Variants in MSRB3 observed in about 807,000 individuals in gnomAD.
MSRB3 encodes methionine-R-sulfoxide reductase B3.
Under a neutral mutation model 21.0 loss-of-function variants are expected in MSRB3, and 13 were observed. The observed-to-expected ratio is 0.62, with a 90% confidence interval of 0.40 to 0.98. MSRB3 has a LOEUF of 0.98. MSRB3 is among the 50% of genes least tolerant of loss of function. MSRB3 has a pLI of 0.00. For missense variants in MSRB3, 199 were observed against 230.3 expected (o/e 0.86, Z 0.88); for synonymous variants, 87 against 88.6 (o/e 0.98, Z 0.10).
Position 65,278,930 on chromosome 12 carries a change from T to C in MSRB3, c.-52+65T>C, listed in dbSNP as rs1046228274. On this transcript the variant is annotated intron_variant, in intron 1 of 6. Coordinates refer to ENST00000308259, the MANE Select transcript of MSRB3 (RefSeq NM_001031679.3). ...CCCTCCCACCCCGACCCTGCCACGT[T>C]AGGGTGTGACCCCGAGCCGGGATTC... 42 of 1,535,618 alleles carry C rather than the reference T, an allele frequency of 2.7e-5. No homozygotes were observed. The African/African-American group carries it at 5.4e-4, about 20-fold the overall frequency.
intron 5 of MSRB3, among the ~76,000 whole-genome samples, chr12:65,403,340 G>T (rs748033219): frequency 6.6e-6 from 1 of 152,228 alleles, no homozygotes; most frequent in Non-Finnish European, 1.5e-5. Flanking sequence ...CTTGGCTACA[G>T]TGGCTTTGCC....
At chr12:65,400,591 T>C (rs1010986450) in intron 5 of MSRB3, among the ~76,000 whole-genome samples, 1 of 152,164 alleles carries the variant, frequency 6.6e-6, no homozygotes, top group Non-Finnish European at 1.5e-5. Context: ...TTTGAAGGGT[T>C]TTTTGTGTCT....
intron 4 of MSRB3, among the ~76,000 whole-genome samples, chr12:65,350,083 T>C (rs1565847811): frequency 6.6e-6 from 1 of 152,024 alleles, no homozygotes; most frequent in African/African-American, 2.4e-5. Context: ...AATTGATTTT[T>C]GTATAAGGTG....
intron 5 of MSRB3, among the ~76,000 whole-genome samples, chr12:65,411,834 A>G (rs1049822682): frequency 1.3e-5 from 2 of 150,032 alleles, no homozygotes; most frequent in African/African-American, 4.9e-5. Flanking sequence ...AGATTTATTT[A>G]ATATTTAGAT....
At chr12:65,345,463 A>C (rs915092341) in intron 4 of MSRB3, among the ~76,000 whole-genome samples, 1 of 152,124 alleles carries the variant, frequency 6.6e-6, no homozygotes, top group African/African-American at 2.4e-5. Context: ...GGAGTAATAC[A>C]TATGTAGCAC....
intron 3 of MSRB3, 124 bp from the exon 4 acceptor site, chr12:65,328,402 G>T (rs1421840788): frequency 5.8e-6 from 4 of 695,080 alleles, no homozygotes; most frequent in Admixed American, 2.3e-5. Flanking sequence ...CATATGTTTG[G>T]TTTGTTTTCA....
intron 1 of MSRB3, 79 bp from the exon 2 acceptor site, chr12:65,308,450 C>T (rs920246597): frequency 1.3e-6 from 2 of 1,536,978 alleles, no homozygotes; most frequent in East Asian, 2.4e-5. Context: ...AAAACTGTAA[C>T]CATCAGTTGT....
intron 5 of MSRB3, chr12:65,419,278 A>T: frequency 1.3e-6 from 1 of 741,256 alleles, no homozygotes; most frequent in Non-Finnish European, 2.5e-6. Flanking sequence ...GTCTGCCATG[A>T]TCTTGGCAAG....
intron 6 of MSRB3, among the ~76,000 whole-genome samples, chr12:65,454,914 A>G (rs61610897): frequency 0.024 from 3,629 of 152,320 alleles, 150 homozygotes; most frequent in African/African-American, 0.082. Flanking sequence ...TGCATATTCT[A>G]TGGAAGGCAA....
intron 1 of MSRB3, chr12:65,279,178 C>T: frequency 1.2e-6 from 1 of 831,376 alleles, no homozygotes; most frequent in South Asian, 2.6e-5. Context: ...CCTCTCGCCC[C>T]GCGCGGGCCC....
chr12:65,399,418 T>C (rs566139290), intron 5 of MSRB3, among the ~76,000 whole-genome samples: 1 of 152,368 alleles, frequency 6.6e-6, no homozygotes, highest in African/African-American at 2.4e-5. Flanking sequence ...ATTTTTGTTG[T>C]ATAGGAATGC....
intron 4 of MSRB3, among the ~76,000 whole-genome samples, chr12:65,333,885 G>A (rs1040720417): frequency 2.0e-5 from 3 of 152,182 alleles, no homozygotes; most frequent in African/African-American, 4.8e-5. Context: ...CAAATACGTA[G>A]TTGTTGATCA....
intron 4 of MSRB3, among the ~76,000 whole-genome samples, chr12:65,348,537 G>A (rs866288722): frequency 6.6e-6 from 1 of 152,038 alleles, no homozygotes; most frequent in South Asian, 2.1e-4. Flanking sequence ...CAAAAAACCA[G>A]CTCCTGGATT....
intron 2 of MSRB3, among the ~76,000 whole-genome samples, chr12:65,325,956 T>A (rs1444968816): frequency 6.6e-6 from 1 of 152,244 alleles, no homozygotes; most frequent in Non-Finnish European, 1.5e-5. Flanking sequence ...AAATAAAAGC[T>A]GCCATTGTTA....
In MSRB3 at chr12:65,418,457, C is replaced by T. The variant is rs150232739; in HGVS notation, c.293-35271C>T. On this transcript the variant is annotated intron_variant, in intron 5 of 6. Coordinates refer to ENST00000308259, the MANE Select transcript of MSRB3 (RefSeq NM_001031679.3). ...TTTTCTTCTATCCTATAGGTTGTCT[C>T]TTTGTTGTTTCCTTTGCTGTGCAGA... Among the ~76,000 whole-genome samples the T allele has an allele frequency of 1.3e-3, 196 of 152,202 alleles. 1 individual carries two copies. Among genetic ancestry groups the T allele is most frequent in the Middle Eastern group, 0.01 (3 of 294 alleles).
chr12:65,352,500 A>C (rs1477544392), intron 4 of MSRB3, among the ~76,000 whole-genome samples: 1 of 151,502 alleles, frequency 6.6e-6, no homozygotes, highest in Non-Finnish European at 1.5e-5. Flanking sequence ...AGGGTATTCA[A>C]TTAGGAAAAG....
At chr12:65,289,311 A>G (rs1872555251) in intron 1 of MSRB3, among the ~76,000 whole-genome samples, 6 of 152,162 alleles carry the variant, frequency 3.9e-5, no homozygotes, top group Admixed American at 3.9e-4. Flanking sequence ...CCTGGCTAAC[A>G]AGGCAAAACC....
intron 6 of MSRB3, chr12:65,454,109 C>T (rs1412672571): frequency 1.6e-6 from 1 of 606,538 alleles, no homozygotes; most frequent in Non-Finnish European, 2.9e-6. Context: ...CCTAGTGAGA[C>T]CTCGTCTCTA....
chr12:65,457,179 CTCT>C (rs760891113), intron 6 of MSRB3, among the ~76,000 whole-genome samples: 148 of 152,016 alleles, frequency 9.7e-4, no homozygotes, highest in Admixed American at 1.6e-3. Flanking sequence ...TTCATGTAGT[CTCT>C]TCTTCTGCTC....
Sources: allele counts gnomAD v4.1 joint callset (sites outside exome capture counted in the v4.1 genomes callset), GRCh38; gene constraint gnomAD v4.1.1; transcripts MANE v1.5; gene names NCBI Gene and HGNC (gene_info 2026-07-23, HGNC 2026-07-21).